Variants in CDHR4 observed in about 807,000 individuals in gnomAD.
CDHR4 encodes cadherin-related family member 4.
In CDHR4, 89 loss-of-function variants were observed where a neutral mutation model predicts 88.4. That is an observed-to-expected ratio of 1.01 (90% confidence interval 0.85 to 1.20). The LOEUF is 1.20. CDHR4 is among the 50% of genes most tolerant of loss of function. The probability of loss-of-function intolerance (pLI) is 0.00; values close to 1 mark genes in which losing one functional copy is unlikely to be tolerated. For synonymous variants in CDHR4, 368 were observed against 399.2 expected (o/e 0.92, Z 0.93); for missense variants, 914 against 1,007.2 (o/e 0.91, Z 1.25).
Position 49,791,902 on chromosome 3 carries a change from C to A in CDHR4, c.2195+1G>T. The A allele has an allele frequency of 6.4e-7, 1 of 1,551,710 alleles. No individual in the cohort carries two copies. Among genetic ancestry groups the A allele is most frequent in the South Asian group, 1.2e-5 (1 of 84,056 alleles). On this transcript the variant is annotated splice_donor_variant, in intron 16 of 18. Coordinates refer to ENST00000412678, the MANE Select transcript of CDHR4 (RefSeq NM_001007540.4). LOFTEE classifies it high-confidence loss of function. ...CATAGAAGTATGCAAAGGAGACTGA[C>A]CTGTTTAGCAGCAAAGCCTGGGCTG...
At chr3:49,798,095 A>G (rs1190572623) in intron 4 of CDHR4, 2 of 150,716 alleles carry the variant, frequency 1.3e-5, no homozygotes, top group African/African-American at 4.9e-5. Flanking sequence ...TTTAGTAAAG[A>G]CAGAGTCTCA....
In CDHR4 at chr3:49,792,536, C is replaced by A. The variant is rs1467964176; in HGVS notation, c.2070G>T (p.Val690=). 9 of 1,551,610 alleles carry A rather than the reference C, an allele frequency of 5.8e-6. No homozygotes were observed. In the African/African-American group the frequency reaches 1.1e-4, roughly 19 times the overall value. Residue 690 remains valine (V), a synonymous_variant, in exon 15 of 19, where the codon GTG becomes GTT. Transcript: ENST00000412678. ...GAAGAGCACCAGTTGCTGTCAACAC[C>A]ACCACAAACCAGGGCTGTGGCTGCC... ...AFWQPQPWFV[V]VLTATGALLL...
chr3:49,795,981 C>T lies in CDHR4; in HGVS notation c.672G>A (p.Val224=). The part of the protein sequence containing the change: ...QRQSCQGMVI[V]KVLPVPSSQV... ...GGCTGGAGGGAACAGGCAAAACCTTCACTATCACCATCCCTTGGCAGCTTT... is the reference window on the plus strand; with the variant it reads ...GGCTGGAGGGAACAGGCAAAACCTTTACTATCACCATCCCTTGGCAGCTTT... Residue 224 remains valine, a synonymous_variant, in exon 6 of 19, where the codon GTG becomes GTA. Transcript: ENST00000412678. This position sits in a 1 kb window ranked among gnomAD's most constrained non-coding sequence, Gnocchi z 5.4. 6.5e-7 allele frequency: 1 copy of T among 1,545,630 alleles called. No individual in the cohort carries two copies. The highest frequency in any genetic ancestry group is 1.2e-5 in the South Asian group (1 of 83,024).
chr3:49,798,774 T>G, intron 4 of CDHR4, 52 bp downstream of exon 4: 1 of 1,558,968 alleles, frequency 6.4e-7, no homozygotes, highest in Non-Finnish European at 8.8e-7. Flanking sequence ...ATTTATTCTC[T>G]CCATCCCCCC....
chr3:49,799,434 A>G lies in CDHR4; in HGVS notation c.53T>C (p.Leu18Pro), dbSNP rs1410358981. The G allele has an allele frequency of 6.3e-7, 1 of 1,592,048 alleles. No homozygotes were observed. The highest frequency in any genetic ancestry group is 1.1e-5 in the South Asian group (1 of 87,980). Reference sequence around the variant, plus strand: ...ATTTATAAAGCAGGGCAGGCTGCAGAGGTCTGTGAAGAGCAGAGAATTCAG... The same window carrying G: ...ATTTATAAAGCAGGGCAGGCTGCAGGGGTCTGTGAAGAGCAGAGAATTCAG... Reference protein sequence around the residue: ...VFLFAPVVSDLCSLPCFINVS... With the variant: ...VFLFAPVVSDPCSLPCFINVS... Residue 18 changes from leucine to proline, a missense_variant, in exon 2 of 19, where the codon CTC becomes CCC. By Grantham distance (98) the Leu-to-Pro change is moderately conservative. Coordinates refer to ENST00000412678, the MANE Select transcript of CDHR4 (RefSeq NM_001007540.4).
Position 49,799,038 on chromosome 3 carries a change from C to T in CDHR4, c.359G>A (p.Arg120Gln), listed in dbSNP as rs199525526. 1.1e-4 allele frequency: 177 copies of T among 1,601,190 alleles called. 1 individual carries two copies. The highest frequency in any genetic ancestry group is 6.3e-4 in the South Asian group (56 of 88,886). Residue 120 changes from arginine to glutamine, a missense_variant, in exon 3 of 19, where the codon CGG (arginine) becomes CAG (glutamine). Arg to Gln is a conservative substitution (Grantham distance 43, BLOSUM62 1). Coordinates refer to ENST00000412678, the MANE Select transcript of CDHR4 (RefSeq NM_001007540.4). ...AGCACACTGGATATGGCTAAGGTCCCGCTGCACATCCACAGAGAGTGAGCC... is the reference window on the plus strand; with the variant it reads ...AGCACACTGGATATGGCTAAGGTCCTGCTGCACATCCACAGAGAGTGAGCC... ...MEGSLSVDVQ[R>Q]DLSHIQCAGQ...
chr3:49,792,090 C>T, intron 15 of CDHR4, 131 bp from the exon 16 acceptor site: 2 of 930,954 alleles, frequency 2.1e-6, no homozygotes, highest in East Asian at 2.6e-5. Context: ...ATTGTTACAT[C>T]CCCTTTCCCT....
intron 9 of CDHR4, 101 bp downstream of exon 9, chr3:49,794,846 T>C: frequency 6.8e-7 from 1 of 1,480,898 alleles, no homozygotes; most frequent in South Asian, 1.3e-5. Flanking sequence ...TCGACAGCCA[T>C]CCCTCCACCC....
At chr3:49,793,553 T>C (rs1218747169) in intron 12 of CDHR4, 30 bp downstream of exon 12, 12 of 1,550,262 alleles carry the variant, frequency 7.7e-6, no homozygotes, top group Non-Finnish European at 9.6e-6. Context: ...TTTCCAAGTA[T>C]TTATTTCCAA....
Position 49,793,899 on chromosome 3 carries a change from C to T in CDHR4, c.1387G>A (p.Gly463Ser). The T allele has an allele frequency of 6.4e-7, 1 of 1,551,754 alleles. No individual in the cohort carries two copies. Among genetic ancestry groups the T allele is most frequent in the Non-Finnish European group, 8.7e-7 (1 of 1,146,996 alleles). ...TCCATATCCGTGCCCACCACGGAGC[C>T]CAGTAGAGTGTGGGGCGCCGCATCC... ...QEDAAPHTLL[G>S]SVVGTDMDYP... Residue 463 changes from glycine to serine, a missense_variant, in exon 11 of 19, where the codon GGC becomes AGC. Coordinates refer to ENST00000412678, the MANE Select transcript of CDHR4 (RefSeq NM_001007540.4).
In CDHR4 at chr3:49,793,626, T is replaced by C. The variant is rs1409660385; in HGVS notation, c.1580A>G (p.Asn527Ser). 7.7e-6 allele frequency: 12 copies of C among 1,551,712 alleles called. No individual in the cohort carries two copies. The highest frequency in any genetic ancestry group is 7.1e-5 in the South Asian group (6 of 84,066). ...VIDHGQDQNP[N>S]HHLSGSCTIT... The stretch of plus-strand genomic sequence containing the variant: ...GGTACAGGAGCCTGAGAGGTGATGG[T>C]TGGGGTTCTGGTCTTGGCCATGGTC... Residue 527 changes from asparagine to serine, a missense_variant, in exon 12 of 19, where the codon AAC becomes AGC. Physicochemically the swap from Asn to Ser is conservative, Grantham distance 46. Coordinates refer to ENST00000412678, the MANE Select transcript of CDHR4 (RefSeq NM_001007540.4).
chr3:49,800,546 T>C (rs1037811275), upstream of CDHR4, among the ~76,000 whole-genome samples: 2 of 151,412 alleles, frequency 1.3e-5, no homozygotes, highest in Admixed American at 1.3e-4. Context: ...AAAAAAAAAG[T>C]TGTCTACATC....
intron 4 of CDHR4, chr3:49,798,415 T>C (rs1382252394): frequency 1.0e-5 from 2 of 190,712 alleles, no homozygotes; most frequent in Non-Finnish European, 2.1e-5. Flanking sequence ...TGAAACCCTG[T>C]CTCCACTACA....
In CDHR4 at chr3:49,795,771, CA is replaced by C; in HGVS notation, c.711-8del. On this transcript the variant is annotated splice_region_variant and splice_polypyrimidine_tract_variant and intron_variant, in intron 6 of 18. Transcript: ENST00000412678. This position sits in a 1 kb window ranked among gnomAD's most constrained non-coding sequence, Gnocchi z 5.4. ...GATATTCTGAGCCTGCTCGCTGGAC[CA>C]AAAGGGGGGCACTGGTTCCTGCCCA... The C allele has an allele frequency of 6.4e-7, 1 of 1,551,624 alleles. No homozygotes were observed. The highest frequency in any genetic ancestry group is 8.7e-7 in the Non-Finnish European group (1 of 1,146,958).
rs543631472 is a variant in CDHR4 at position 49,790,923 on chromosome 3, G to A, written c.2312-36C>T. On this transcript the variant is annotated intron_variant, in intron 18 of 18. Transcript: ENST00000412678. Reference sequence around the variant, plus strand: ...TAGGAGAGAGAGGAGAGCAGGGGGTGCTGCTGGCCCCAGAAGAACTGCCTC... The same window carrying A: ...TAGGAGAGAGAGGAGAGCAGGGGGTACTGCTGGCCCCAGAAGAACTGCCTC... 13 of 1,505,818 alleles carry A rather than the reference G, an allele frequency of 8.6e-6. No homozygotes were observed. In the South Asian group the frequency reaches 1.5e-4, roughly 17 times the overall value. The allele number at this position is 1,505,818 out of a possible 1,614,324, so 93.3% of individuals were successfully genotyped here.
chr3:49,795,809 C>G lies in CDHR4; in HGVS notation c.711-45G>C. 1.3e-6 allele frequency: 2 copies of G among 1,549,414 alleles called. No homozygotes were observed. The highest frequency in any genetic ancestry group is 1.7e-6 in the Non-Finnish European group (2 of 1,145,590). On this transcript the variant is annotated intron_variant, in intron 6 of 18. Coordinates refer to ENST00000412678, the MANE Select transcript of CDHR4 (RefSeq NM_001007540.4). This position sits in a 1 kb window ranked among gnomAD's most constrained non-coding sequence, Gnocchi z 5.4. ...CTGGTTCCTGCCCATTCCTGCTCAA[C>G]CTGTGGGTCCACAGCTTCCTTCCCT... is the stretch of plus-strand genomic sequence containing the variant.
chr3:49,798,605 AG>A (rs1650627891), intron 4 of CDHR4: 5 of 528,996 alleles, frequency 9.5e-6, no homozygotes, highest in South Asian at 8.4e-5. Flanking sequence ...AAAAAAAAAA[AG>A]AACTCAGCCC....
chr3:49,793,857 T>C lies in CDHR4; in HGVS notation c.1429A>G (p.Ile477Val), dbSNP rs1168078064. 27 of 1,551,712 alleles carry C rather than the reference T, an allele frequency of 1.7e-5. No individual in the cohort carries two copies. In the South Asian group the frequency reaches 1.9e-4, roughly 11 times the overall value. Reference protein sequence around the residue: ...GTDMDYPHDNIEYYTSGGPTT... With the variant: ...GTDMDYPHDNVEYYTSGGPTT... ...GGACCACCAGAGGTGTAGTACTCAA[T>C]GTTGTCATGAGGGTAATCCATATCC... The change falls in exon 11 of 19, where the codon ATT becomes GTT. Residue 477 changes from isoleucine to valine, a missense_variant. By Grantham distance (29) the Ile-to-Val change is conservative. Coordinates refer to ENST00000412678, the MANE Select transcript of CDHR4 (RefSeq NM_001007540.4).
Position 49,796,931 on chromosome 3 carries a change from CT to C in CDHR4, c.596del (p.Gln199ArgfsTer24). ...LQAPSQGLLG[Q>X]AQKVFQLQIS... The stretch of plus-strand genomic sequence containing the variant: ...TCCAGGTCATGCTCACCTTTTGAGC[CT>C]GGCCTAGGAGGCCCTGGGATGGTGC... On this transcript the variant is annotated frameshift_variant, in exon 5 of 19. Coordinates refer to ENST00000412678, the MANE Select transcript of CDHR4 (RefSeq NM_001007540.4). LOFTEE classifies it high-confidence loss of function. The C allele has an allele frequency of 6.4e-7, 1 of 1,551,216 alleles. No homozygotes were observed. Among genetic ancestry groups the C allele is most frequent in the Admixed American group, 2.0e-5 (1 of 51,004 alleles).
Sources: gnomAD v4.1 joint callset for allele counts (sites outside exome capture counted in the v4.1 genomes callset) on GRCh38, gnomAD v4.1.1 for gene constraint, Gnocchi (gnomAD v3.1) non-coding constraint, MANE v1.5 for transcripts, NCBI Gene and HGNC (gene_info 2026-07-23, HGNC 2026-07-21) for gene names.